The following PRDM10 variants were observed in gnomAD, a reference collection of about 807,000 sequenced individuals.
PRDM10 encodes the protein PR domain zinc finger protein 10.
In PRDM10, 65 loss-of-function variants were observed where a neutral mutation model predicts 133.1. The ratio of observed to expected loss-of-function variants is 0.49; its 90% CI spans 0.40 to 0.60. PRDM10 has a LOEUF of 0.60. PRDM10 is among the 20% of genes least tolerant of loss of function. The probability of loss-of-function intolerance (pLI) is 0.00; values close to 1 mark genes in which losing one functional copy is unlikely to be tolerated. For synonymous variants in PRDM10, 582 were observed against 580.4 expected (o/e 1.00, Z -0.04); for missense variants, 1,137 against 1,507.1 (o/e 0.75, Z 4.07).
chr11:129,921,436 C>T (rs1950519991), intron 13 of PRDM10, among the ~76,000 whole-genome samples: 1 of 152,178 alleles, frequency 6.6e-6, no homozygotes, highest in Non-Finnish European at 1.5e-5. Context: ...GAGTTCAGGT[C>T]ACCCTGAGCA....
In PRDM10 at chr11:129,932,109, C is replaced by T; in HGVS notation, c.1280G>A (p.Gly427Glu). The T allele has an allele frequency of 6.2e-7, 1 of 1,613,916 alleles. No individual in the cohort carries two copies. The highest frequency in any genetic ancestry group is 8.5e-7 in the Non-Finnish European group (1 of 1,179,886). Residue 427 changes from glycine (G) to glutamate (E), a missense_variant, in exon 10 of 21, where the codon GGG (glycine) becomes GAG (glutamate). Physicochemically the swap from Gly to Glu is moderately conservative, Grantham distance 98 (BLOSUM62 -2). Transcript: ENST00000360871. ...CTTCCCGTCCCCCCGTACCTGTGTC[C>T]CATCGTCACTCTTTTCCCCATTTTC... Reference protein sequence around the residue: ...TSENGEKSDDGTQDLLHFPTK... With the variant: ...TSENGEKSDDETQDLLHFPTK...
At chr11:129,903,699 A>T (rs1368695339) in intron 20 of PRDM10, among the ~76,000 whole-genome samples, 1 of 152,192 alleles carries the variant, frequency 6.6e-6, no homozygotes, top group Non-Finnish European at 1.5e-5. Flanking sequence ...GAAAAGAGCC[A>T]TCGCCAAATA....
chr11:129,983,000 A>G (rs550235036), intron 1 of PRDM10, among the ~76,000 whole-genome samples: 1 of 150,488 alleles, frequency 6.6e-6, no homozygotes, highest in African/African-American at 2.4e-5. Flanking sequence ...TCTTTGAGAC[A>G]GTGTCTCATT....
At chr11:129,997,203 G>A (rs1274274319) in intron 1 of PRDM10, among the ~76,000 whole-genome samples, 1 of 152,226 alleles carries the variant, frequency 6.6e-6, no homozygotes, top group East Asian at 1.9e-4. Context: ...TCCCGACTGG[G>A]TGCAGTGGCT....
rs368497130 is a variant in PRDM10, at chr11:129,970,984, T to A, written c.-118-9902A>T. ...GAAATTGGTGGGTTCTGGGTCTCAC[T>A]GACTTCAAGAATGAAGCCACGTACC... On this transcript the variant is annotated intron_variant, in intron 1 of 20. Transcript: ENST00000360871. Among the ~76,000 whole-genome samples, 26 of 152,294 alleles carry A rather than the reference T, an allele frequency of 1.7e-4. No homozygotes were observed. The East Asian group carries it at 4.8e-3, about 28-fold the overall frequency.
At chr11:129,953,569 C>T (rs1427013362) in intron 4 of PRDM10, among the ~76,000 whole-genome samples, 6 of 152,174 alleles carry the variant, frequency 3.9e-5, no homozygotes, top group Non-Finnish European at 8.8e-5. Flanking sequence ...GTTGGGATTA[C>T]AGGTGCCTGG....
Position 129,937,650 on chromosome 11 carries a change from A to G in PRDM10, c.987T>C (p.Tyr329=). 6.2e-7 allele frequency: 1 copy of G among 1,613,818 alleles called. No homozygotes were observed. Among genetic ancestry groups the G allele is most frequent in the South Asian group, 1.1e-5 (1 of 91,030 alleles). The part of the protein sequence containing the change: ...QELKVWYAAS[Y]AEFVNQKIHD... ...GAATTTTCTGGTTCACGAACTCAGCATAGGATGCGGCATACCACACCTGCA... is the reference window on the plus strand; with the variant it reads ...GAATTTTCTGGTTCACGAACTCAGCGTAGGATGCGGCATACCACACCTGCA... The change falls in exon 8 of 21, where the codon TAT becomes TAC. Residue 329 remains tyrosine, a synonymous_variant. Transcript: ENST00000360871.
At position 129,909,012 on chromosome 11, in the gene PRDM10, G is replaced by A. The variant is rs1056404996; in HGVS notation, c.3163+1464C>T. ...CCCAAAGTGCTAGGATTGCAGGCAT[G>A]AGCCACCACGCCTGGCCCGCTCCAC... On this transcript the variant is annotated intron_variant, in intron 19 of 20. Transcript: ENST00000360871. Among the ~76,000 whole-genome samples the A allele has an allele frequency of 2.0e-5, 3 of 151,894 alleles. No individual in the cohort carries two copies. The East Asian group carries it at 5.9e-4, about 30-fold the overall frequency.
rs1565464200 is a variant in PRDM10 at position 129,923,687 on chromosome 11, A to AGAGAGAGAGAGAGAGAGAGG, written c.1879-285_1879-284insCCTCTCTCTCTCTCTCTCTC. ...GAGAGAGAGAGAGAGAGAGAGAGAG[A>AGAGAGAGAGAGAGAGAGAGG]GAGAGAGTGCTTGCTTGGTCAAAGC... On this transcript the variant is annotated intron_variant, in intron 12 of 20. Coordinates refer to ENST00000360871, the MANE Select transcript of PRDM10 (RefSeq NM_199437.2). The surrounding 1 kb of genome is among the most constrained non-coding windows in gnomAD (Gnocchi z 4.4). 1.0e-4 allele frequency among the ~76,000 whole-genome samples: 15 copies of AGAGAGAGAGAGAGAGAGAGG among 145,300 alleles called. No homozygotes were observed. The highest frequency in any genetic ancestry group is 3.7e-4 in the African/African-American group (14 of 37,834).
chr11:129,947,653 G>T lies in PRDM10; in HGVS notation c.295-283C>A. 2.0e-6 allele frequency: 2 copies of T among 988,662 alleles called. No homozygotes were observed. The highest frequency in any genetic ancestry group is 2.8e-6 in the Non-Finnish European group (2 of 710,606). 61.2% of individuals were successfully genotyped at this position (988,662 alleles called of 1,614,324 possible). ...GAAGGCTCAGGTGCTCCCTCCTTTG[G>T]CAGCAGTGGGAGAGTCAACACTGGC... On this transcript the variant is annotated intron_variant, in intron 4 of 20. Transcript: ENST00000360871. This position sits in a 1 kb window ranked among gnomAD's most constrained non-coding sequence, Gnocchi z 4.6.
At chr11:129,969,464 T>C (rs1208894539) in intron 1 of PRDM10, among the ~76,000 whole-genome samples, 1 of 152,094 alleles carries the variant, frequency 6.6e-6, no homozygotes, top group African/African-American at 2.4e-5. Flanking sequence ...ACCTTCTTCA[T>C]ATATAAAGAT....
At chr11:129,904,155 T>TA (rs11409202) in intron 20 of PRDM10, among the ~76,000 whole-genome samples, 59,180 of 107,128 alleles carry the variant, frequency 0.55, 15,468 homozygotes, top group African/African-American at 0.65. Context: ...CTCAGTATAC[T>TA]AAAAAAAAAA....
chr11:129,905,561 G>C, intron 20 of PRDM10, 77 bp downstream of exon 20: 4 of 1,061,308 alleles, frequency 3.8e-6, no homozygotes, highest in Non-Finnish European at 5.8e-6. Context: ...CAATCATTAC[G>C]AGATAAGTGG....
intron 1 of PRDM10, among the ~76,000 whole-genome samples, chr11:129,969,392 G>C (rs923654531): frequency 3.3e-5 from 5 of 152,128 alleles, no homozygotes; most frequent in Admixed American, 6.5e-5. Flanking sequence ...AGACAGCCTA[G>C]CTCCAAAGCT....
intron 1 of PRDM10, among the ~76,000 whole-genome samples, chr11:129,995,932 C>T (rs904802376): frequency 5.3e-5 from 8 of 150,818 alleles, no homozygotes; most frequent in African/African-American, 1.5e-4. Flanking sequence ...GGCAACAGAG[C>T]GGGACTCTGT....
chr11:129,962,763 T>C (rs1951820686), intron 1 of PRDM10, among the ~76,000 whole-genome samples: 1 of 152,198 alleles, frequency 6.6e-6, no homozygotes, highest in Non-Finnish European at 1.5e-5. Context: ...CAGTACTATT[T>C]AAAAATATAT....
intron 4 of PRDM10, among the ~76,000 whole-genome samples, chr11:129,951,663 G>C (rs976363242): frequency 1.3e-5 from 2 of 152,132 alleles, no homozygotes; most frequent in Admixed American, 1.3e-4. Context: ...AGTGAAACAT[G>C]AAACGACCAC....
chr11:129,987,766 C>T (rs189128612), intron 1 of PRDM10, among the ~76,000 whole-genome samples: 103 of 152,206 alleles, frequency 6.8e-4, no homozygotes, highest in African/African-American at 2.4e-3. Context: ...TTTGGGAGGC[C>T]GAGGCAGGCA....
chr11:130,001,713 G>C (rs996337655), intron 1 of PRDM10, among the ~76,000 whole-genome samples: 4 of 152,214 alleles, frequency 2.6e-5, no homozygotes, highest in Non-Finnish European at 5.9e-5. Context: ...ACTTAGTAGA[G>C]TATCAACACC....
Sources: allele counts gnomAD v4.1 joint callset (sites outside exome capture counted in the v4.1 genomes callset), GRCh38; gene constraint gnomAD v4.1.1; non-coding constraint Gnocchi (gnomAD v3.1); transcripts MANE v1.5; gene names NCBI Gene and HGNC (gene_info 2026-07-23, HGNC 2026-07-21).